The following ADORA2B variants were observed in gnomAD, a reference collection of about 807,000 sequenced individuals.
The protein encoded by ADORA2B is adenosine A2b receptor.
Under a neutral mutation model 20.8 loss-of-function variants are expected in ADORA2B, and 18 were observed. The ratio of observed to expected loss-of-function variants is 0.87; its 90% CI spans 0.60 to 1.29. The LOEUF is 1.29. Ranked by LOEUF, ADORA2B falls within the 50% of genes most tolerant of loss-of-function variation. The pLI, the probability that ADORA2B is intolerant of heterozygous loss-of-function variation, is 0.00. For synonymous variants in ADORA2B, 179 were observed against 178.3 expected, an observed-to-expected ratio of 1.00 and a Z score of -0.03; for missense variants, 441 against 422.7, an observed-to-expected ratio of 1.04 and a Z score of -0.38.
the ADORA2B span, among the ~76,000 whole-genome samples, chr17:15,885,081 C>T: frequency 6.6e-6 from 1 of 152,112 alleles, no homozygotes; most frequent in African/African-American, 2.4e-5. Context: ...TGCCAGCATC[C>T]ATTGTTTCTT....
the ADORA2B span, among the ~76,000 whole-genome samples, chr17:15,867,073 G>A: frequency 4.6e-5 from 7 of 152,324 alleles, 1 homozygote; most frequent in Middle Eastern, 0.01. Context: ...AGACGGAGTC[G>A]CGTTCACTCA....
chr17:15,951,666 A>T (rs578155974), intron 1 of ADORA2B, among the ~76,000 whole-genome samples: 1 of 152,350 alleles, frequency 6.6e-6, no homozygotes, highest in South Asian at 2.1e-4. Context: ...TGTGTCTTGG[A>T]ACCAGGTCAG....
At chr17:15,901,862 G>GT in the ADORA2B span, among the ~76,000 whole-genome samples, 1 of 152,152 alleles carries the variant, frequency 6.6e-6, no homozygotes, top group Admixed American at 6.5e-5. Context: ...GTTTTATCTT[G>GT]TTTTTTATTG....
chr17:15,931,985 G>A, the ADORA2B span, among the ~76,000 whole-genome samples: 1 of 152,216 alleles, frequency 6.6e-6, no homozygotes, highest in East Asian at 1.9e-4. Flanking sequence ...GCCCGCCTCA[G>A]CCTCCCAAGT....
chr17:15,957,415 G>A (rs1281902567), intron 1 of ADORA2B, among the ~76,000 whole-genome samples: 1 of 152,188 alleles, frequency 6.6e-6, no homozygotes, highest in Non-Finnish European at 1.5e-5. Context: ...CTGGCAAGCA[G>A]ATCTGATCGA....
At chr17:15,898,146 C>T in the ADORA2B span, among the ~76,000 whole-genome samples, 59 of 152,094 alleles carry the variant, frequency 3.9e-4, 1 homozygote, top group African/African-American at 1.4e-3. Flanking sequence ...TAGCAGGGAT[C>T]TCCTTTCAGA....
chr17:15,898,826 T>C, the ADORA2B span, among the ~76,000 whole-genome samples: 1 of 152,238 alleles, frequency 6.6e-6, no homozygotes, highest in East Asian at 1.9e-4. Flanking sequence ...TAAGTAATCT[T>C]AAAGTCACTT....
At chr17:15,912,936 G>A in the ADORA2B span, among the ~76,000 whole-genome samples, 1 of 152,220 alleles carries the variant, frequency 6.6e-6, no homozygotes, top group African/African-American at 2.4e-5. Flanking sequence ...CCACTTAGTT[G>A]CACTGAAGCC....
At chr17:15,853,712 C>T in the ADORA2B span, among the ~76,000 whole-genome samples, 1 of 152,060 alleles carries the variant, frequency 6.6e-6, no homozygotes, top group African/African-American at 2.4e-5. Context: ...ATGAAATCTC[C>T]CAAACATTTA....
chr17:15,855,879 C>A, the ADORA2B span, among the ~76,000 whole-genome samples: 1 of 151,964 alleles, frequency 6.6e-6, no homozygotes, highest in Non-Finnish European at 1.5e-5. Context: ...TCTATTGTTG[C>A]CATCTTTTTG....
chr17:15,967,044 G>A (rs1174735348), intron 1 of ADORA2B, among the ~76,000 whole-genome samples: 4 of 152,184 alleles, frequency 2.6e-5, no homozygotes, highest in African/African-American at 7.2e-5. Flanking sequence ...GCACAGGGAG[G>A]GAGGCAGAGT....
intron 1 of ADORA2B, among the ~76,000 whole-genome samples, chr17:15,955,416 T>C (rs1324026985): frequency 1.3e-5 from 2 of 152,118 alleles, no homozygotes; most frequent in East Asian, 1.9e-4. Flanking sequence ...TTTTTTTTTT[T>C]CGAGACAGAG....
the ADORA2B span, among the ~76,000 whole-genome samples, chr17:15,882,330 G>T: frequency 6.6e-6 from 1 of 151,752 alleles, no homozygotes; most frequent in Non-Finnish European, 1.5e-5. Flanking sequence ...CCCACATTGT[G>T]CCTCTTCTGA....
chr17:15,866,206 C>G, the ADORA2B span, among the ~76,000 whole-genome samples: 887 of 150,034 alleles, frequency 5.9e-3, 12 homozygotes, highest in African/African-American at 0.02. Context: ...TTAGGGTATG[C>G]ATACATTCTA....
the ADORA2B span, among the ~76,000 whole-genome samples, chr17:15,899,654 AC>A: frequency 2.0e-4 from 31 of 152,004 alleles, no homozygotes; most frequent in Non-Finnish European, 4.1e-4. Context: ...GCCCATGACT[AC>A]CCAGTGTTTA....
chr17:15,919,528 A>C, the ADORA2B span, among the ~76,000 whole-genome samples: 73 of 152,124 alleles, frequency 4.8e-4, 2 homozygotes, highest in Admixed American at 4.6e-3. Context: ...TTTGGGGTGA[A>C]TGTCTGTTTC....
At chr17:15,868,669 GC>G in the ADORA2B span, among the ~76,000 whole-genome samples, 1 of 132,424 alleles carries the variant, frequency 7.6e-6, no homozygotes, top group Non-Finnish European at 1.7e-5. Context: ...AGTCCCGGCT[GC>G]TTGGGAGGCT....
chr17:15,878,762 T>G, the ADORA2B span, among the ~76,000 whole-genome samples: 2 of 152,222 alleles, frequency 1.3e-5, no homozygotes, highest in South Asian at 4.1e-4. Context: ...ACATCTGTTT[T>G]GAATTTACTG....
chr17:15,975,522 G>A lies in ADORA2B; in HGVS notation c.*180G>A. 3.2e-6 allele frequency: 2 copies of A among 618,588 alleles called. No individual in the cohort carries two copies. The highest frequency in any genetic ancestry group is 5.6e-6 in the Non-Finnish European group (2 of 357,466). 38.3% of individuals were successfully genotyped at this position (618,588 alleles called of 1,614,324 possible). On this transcript the variant is annotated 3_prime_UTR_variant, in exon 2 of 2. Coordinates refer to ENST00000304222, the MANE Select transcript of ADORA2B (RefSeq NM_000676.4). ...GTATGTGTCAGTAGTAGGCTCCAAG[G>A]ATTGACAAATATATTTATGATCTAT... is the stretch of plus-strand genomic sequence containing the variant.
Sources: allele counts gnomAD v4.1 joint callset (sites outside exome capture counted in the v4.1 genomes callset), GRCh38; gene constraint gnomAD v4.1.1; transcripts MANE v1.5; gene names NCBI Gene and HGNC (gene_info 2026-07-23, HGNC 2026-07-21).